STK32A: variants seen among roughly 807,000 people sequenced by gnomAD.
STK32A encodes serine/threonine-protein kinase 32A.
Under a neutral mutation model 53.2 loss-of-function variants are expected in STK32A, and 41 were observed. The ratio of observed to expected loss-of-function variants is 0.77; its 90% CI spans 0.60 to 1.00. STK32A has a LOEUF of 1.00. STK32A is among the 50% of genes least tolerant of loss of function. The pLI, the probability that STK32A is intolerant of heterozygous loss-of-function variation, is 0.00. For synonymous variants in STK32A, 166 were observed against 162.8 expected, an observed-to-expected ratio of 1.02 and a Z score of -0.15; for missense variants, 458 against 485.8, an observed-to-expected ratio of 0.94 and a Z score of 0.54.
chr5:147,263,396 C>A (rs1280161483), intron 2 of STK32A, among the ~76,000 whole-genome samples: 1 of 152,128 alleles, frequency 6.6e-6, no homozygotes, highest in African/African-American at 2.4e-5. Flanking sequence ...TATGAGCAGA[C>A]AACCAAGGAT....
chr5:147,359,947 G>A (rs927252803), intron 7 of STK32A, among the ~76,000 whole-genome samples: 2 of 152,114 alleles, frequency 1.3e-5, no homozygotes, highest in Non-Finnish European at 2.9e-5. Flanking sequence ...GTGTGTGCAG[G>A]ACCCATGTCA....
the STK32A span, among the ~76,000 whole-genome samples, chr5:147,400,501 G>A: frequency 5.9e-5 from 9 of 152,228 alleles, no homozygotes; most frequent in African/African-American, 2.2e-4. Context: ...CAGAATGCTA[G>A]GCCTTAGGAT....
At chr5:147,380,746 GA>G (rs1295605000) in intron 11 of STK32A, among the ~76,000 whole-genome samples, 1 of 152,184 alleles carries the variant, frequency 6.6e-6, no homozygotes, top group Non-Finnish European at 1.5e-5. Context: ...GACTAAAAGA[GA>G]AAGATACTTA....
At position 147,351,072 on chromosome 5, in the gene STK32A, G is replaced by T; in HGVS notation, c.480G>T (p.Val160=). 1 of 1,613,772 alleles carries T rather than the reference G, an allele frequency of 6.2e-7. No individual in the cohort carries two copies. Among genetic ancestry groups the T allele is most frequent in the Non-Finnish European group, 8.5e-7 (1 of 1,179,762 alleles). The change falls in exon 7 of 13, where the codon GTG becomes GTT. Residue 160 remains valine (V), a synonymous_variant. Coordinates refer to ENST00000397936, the MANE Select transcript of STK32A (RefSeq NM_001112724.2). ...DNILLDEHGH[V]HITDFNIAAM... ...GTTCTTCTCTCTCTGCAGGGCACGT[G>T]CACATCACAGATTTCAACATTGCTG...
intron 4 of STK32A, among the ~76,000 whole-genome samples, chr5:147,319,201 G>GGC (rs1330948129): frequency 2.7e-5 from 4 of 148,420 alleles, no homozygotes; most frequent in Non-Finnish European, 5.9e-5. Flanking sequence ...GGAGTGCAGT[G>GGC]GCGTGATCTT....
intron 2 of STK32A, among the ~76,000 whole-genome samples, chr5:147,268,847 G>A (rs747613658): frequency 6.6e-6 from 1 of 152,200 alleles, no homozygotes; most frequent in Non-Finnish European, 1.5e-5. Flanking sequence ...AGTTGTGAGA[G>A]AGGGTCTGTG....
chr5:147,276,754 C>T (rs76174843), intron 2 of STK32A, among the ~76,000 whole-genome samples: 1,967 of 152,170 alleles, frequency 0.013, 56 homozygotes, highest in African/African-American at 0.044. Flanking sequence ...GAAGTCATTC[C>T]CTTGAGTAAC....
chr5:147,370,881 T>A, intron 9 of STK32A, 111 bp downstream of exon 9: 1 of 613,766 alleles, frequency 1.6e-6, no homozygotes, highest in Non-Finnish European at 2.9e-6. Context: ...AGTATACATT[T>A]GTAGAGTGTA....
chr5:147,246,164 G>C (rs573188212), intron 2 of STK32A, among the ~76,000 whole-genome samples: 4 of 152,190 alleles, frequency 2.6e-5, no homozygotes, highest in Non-Finnish European at 5.9e-5. Flanking sequence ...GCAAGAATTG[G>C]CTTCTTAAAA....
chr5:147,375,403 A>G (rs891475293), intron 11 of STK32A, 185 bp downstream of exon 11: 23 of 574,694 alleles, frequency 4.0e-5, no homozygotes, highest in Middle Eastern at 9.5e-4. Context: ...TAGCAGCAAC[A>G]TTTTACTTGT....
chr5:147,311,235 A>G (rs1358947851), intron 4 of STK32A, among the ~76,000 whole-genome samples: 2 of 152,094 alleles, frequency 1.3e-5, no homozygotes, highest in African/African-American at 2.4e-5. Flanking sequence ...AATTCTTGCC[A>G]TATTCTATAA....
At chr5:147,358,108 C>T (rs1756338826) in intron 7 of STK32A, among the ~76,000 whole-genome samples, 1 of 151,664 alleles carries the variant, frequency 6.6e-6, no homozygotes, top group Non-Finnish European at 1.5e-5. Context: ...ATGTCCTGAC[C>T]AAAATTTAAT....
At chr5:147,388,712 C>T (rs1242657488), downstream of STK32A, among the ~76,000 whole-genome samples, 1 of 152,168 alleles carries the variant, frequency 6.6e-6, no homozygotes, top group African/African-American at 2.4e-5. Context: ...CCTTTTTAGT[C>T]TCCTACTCAG....
chr5:147,250,941 CAAAAAAAAAAAAA>C (rs71001422), intron 2 of STK32A, among the ~76,000 whole-genome samples: 15 of 101,178 alleles, frequency 1.5e-4, no homozygotes, highest in African/African-American at 5.7e-4. Flanking sequence ...GACTCCATCT[CAAAAAAAAAAAAA>C]AAAAAAAGAA....
intron 2 of STK32A, among the ~76,000 whole-genome samples, chr5:147,260,595 TGGAA>T (rs1472377622): frequency 1.3e-5 from 2 of 148,862 alleles, no homozygotes; most frequent in African/African-American, 5.2e-5. Context: ...TTCCCTGTCC[TGGAA>T]GGCTCAACCC....
At chr5:147,320,648 CAG>C (rs1361051229) in intron 4 of STK32A, among the ~76,000 whole-genome samples, 2 of 152,164 alleles carry the variant, frequency 1.3e-5, no homozygotes, top group South Asian at 4.1e-4. Context: ...TTGCACGTAA[CAG>C]GGGAACCGCA....
intron 4 of STK32A, among the ~76,000 whole-genome samples, chr5:147,317,861 A>G (rs1754084867): frequency 6.6e-6 from 1 of 152,216 alleles, no homozygotes; most frequent in South Asian, 2.1e-4. Flanking sequence ...ACTAGCCTAG[A>G]TAATTTATAA....
chr5:147,283,470 C>CAAAAAAAAAAAAAAAAAAAAAAAA (rs35437278), intron 4 of STK32A, among the ~76,000 whole-genome samples: 1 of 141,540 alleles, frequency 7.1e-6, no homozygotes, highest in African/African-American at 2.6e-5. Context: ...GAAATTGAAA[C>CAAAAAAAAAAAAAAAAAAAAAAAA]AAAAAAAAAA....
chr5:147,275,184 ATCTCTCTC>A (rs143074943), intron 2 of STK32A, among the ~76,000 whole-genome samples: 1 of 150,426 alleles, frequency 6.6e-6, no homozygotes, highest in Non-Finnish European at 1.5e-5. Flanking sequence ...TTCTGACTTC[ATCTCTCTC>A]TCTCTCTCTC....
Sources: gnomAD v4.1 joint callset for allele counts (sites outside exome capture counted in the v4.1 genomes callset) on GRCh38, gnomAD v4.1.1 for gene constraint, MANE v1.5 for transcripts, NCBI Gene and HGNC (gene_info 2026-07-23, HGNC 2026-07-21) for gene names.